Variants in GALNTL6 observed in about 807,000 individuals in gnomAD.
The protein encoded by GALNTL6 is polypeptide N-acetylgalactosaminyltransferase like 6.
GALNTL6 carries 46 observed loss-of-function variants against 73.7 expected under a neutral mutation model. The ratio of observed to expected loss-of-function variants is 0.62; its 90% CI spans 0.49 to 0.80. The LOEUF is 0.80. Ranked by LOEUF, GALNTL6 falls within the 30% of genes least tolerant of loss-of-function variation. The pLI is 0.00. For synonymous variants in GALNTL6, 259 were observed against 263.7 expected (o/e 0.98, Z 0.17); for missense variants, 604 against 755.0 (o/e 0.80, Z 2.34).
chr4:172,389,925 A>C (rs1164836920), intron 5 of GALNTL6, among the ~76,000 whole-genome samples: 1 of 152,120 alleles, frequency 6.6e-6, no homozygotes, highest in African/African-American at 2.4e-5. Context: ...TTTCTTTAAA[A>C]ATGATACCTT....
intron 7 of GALNTL6, among the ~76,000 whole-genome samples, chr4:172,852,099 A>T (rs112145341): frequency 1.3e-5 from 2 of 152,196 alleles, no homozygotes; most frequent in Non-Finnish European, 2.9e-5. Flanking sequence ...GGCATTGCCC[A>T]CTGGTTGGGG....
Position 172,334,219 on chromosome 4 carries a change from G to A in GALNTL6, c.387-14304G>A, listed in dbSNP as rs187039495. 7.9e-4 allele frequency among the ~76,000 whole-genome samples: 121 copies of A among 152,244 alleles called. 2 individuals are homozygous for A. In the South Asian group the frequency reaches 0.016, roughly 20 times the overall value. On this transcript the variant is annotated intron_variant, in intron 4 of 12. Transcript: ENST00000506823. ...AGCTTTGTTCTTTTTGCTTAGGACTGCTTTGGCTATTTGGGCTCTCTTTTG... is the reference window on the plus strand; with the variant it reads ...AGCTTTGTTCTTTTTGCTTAGGACTACTTTGGCTATTTGGGCTCTCTTTTG...
intron 2 of GALNTL6, among the ~76,000 whole-genome samples, chr4:172,131,006 A>T (rs1733474393): frequency 6.6e-6 from 1 of 152,062 alleles, no homozygotes. Context: ...TGCTTATTTT[A>T]TCTGGAGATC....
intron 2 of GALNTL6, among the ~76,000 whole-genome samples, chr4:172,128,028 T>C (rs560747241): frequency 6.1e-4 from 93 of 151,968 alleles, no homozygotes; most frequent in Middle Eastern, 3.4e-3. Flanking sequence ...TCGCTTGAAC[T>C]TGGGGGTGAA....
At chr4:172,923,588 G>T (rs1390448991) in intron 8 of GALNTL6, among the ~76,000 whole-genome samples, 43 of 152,166 alleles carry the variant, frequency 2.8e-4, no homozygotes, top group Admixed American at 2.8e-3. Flanking sequence ...AATGAGCAAT[G>T]CAGCCACTAG....
chr4:172,267,567 G>A (rs1035937283), intron 3 of GALNTL6, among the ~76,000 whole-genome samples: 1 of 152,016 alleles, frequency 6.6e-6, no homozygotes, highest in South Asian at 2.1e-4. Context: ...AGCACCAAGG[G>A]AGCTAGAATC....
chr4:171,906,997 AAAT>A (rs1262856383), intron 2 of GALNTL6, among the ~76,000 whole-genome samples: 1 of 152,142 alleles, frequency 6.6e-6, no homozygotes, highest in Non-Finnish European at 1.5e-5. Flanking sequence ...ACGTATTTCA[AAAT>A]AATAAGAGCT....
chr4:172,240,230 T>TTGTC (rs1737373830), intron 3 of GALNTL6, among the ~76,000 whole-genome samples: 1 of 151,792 alleles, frequency 6.6e-6, no homozygotes, highest in South Asian at 2.1e-4. Flanking sequence ...GTTTGTTTGT[T>TTGTC]TGTTTGTTTT....
At chr4:172,477,686 A>G (rs1455452537) in intron 5 of GALNTL6, among the ~76,000 whole-genome samples, 1 of 152,226 alleles carries the variant, frequency 6.6e-6, no homozygotes, top group Non-Finnish European at 1.5e-5. Flanking sequence ...TTTGTAATTC[A>G]TCTAATAACA....
intron 2 of GALNTL6, among the ~76,000 whole-genome samples, chr4:172,079,024 C>A (rs1731796036): frequency 6.6e-6 from 1 of 152,018 alleles, no homozygotes; most frequent in Admixed American, 6.6e-5. Flanking sequence ...TATGTTTATG[C>A]ACACATGTAT....
intron 10 of GALNTL6, among the ~76,000 whole-genome samples, chr4:172,991,662 C>T (rs1192907872): frequency 6.6e-6 from 1 of 152,148 alleles, no homozygotes; most frequent in Admixed American, 6.5e-5. Flanking sequence ...CCCACCTCAG[C>T]CTCCCAAAGT....
intron 2 of GALNTL6, among the ~76,000 whole-genome samples, chr4:171,872,506 A>G (rs1295265032): frequency 6.6e-6 from 1 of 152,238 alleles, no homozygotes; most frequent in Non-Finnish European, 1.5e-5. Context: ...CTAGGCTGCC[A>G]TAACAAAGTA....
rs553448181 is a variant in GALNTL6, at chr4:172,900,716, C to T, written c.1041+17809C>T. On this transcript the variant is annotated intron_variant, in intron 8 of 12. Transcript: ENST00000506823. ...TTCAAGGGATATTTTTTAGTTTTCACAGTTCAAGAGGTTTTTTTCTTAAAT... is the reference window on the plus strand; with the variant it reads ...TTCAAGGGATATTTTTTAGTTTTCATAGTTCAAGAGGTTTTTTTCTTAAAT... Among the ~76,000 whole-genome samples, 254 of 152,228 alleles carry T rather than the reference C, an allele frequency of 1.7e-3. 1 individual carries two copies. Among genetic ancestry groups the T allele is most frequent in the African/African-American group, 6.0e-3 (250 of 41,550 alleles).
chr4:172,432,181 T>C (rs367883576), intron 5 of GALNTL6, among the ~76,000 whole-genome samples: 1 of 152,048 alleles, frequency 6.6e-6, no homozygotes, highest in African/African-American at 2.4e-5. Context: ...AATCACACAG[T>C]GTTGAAGCTG....
At chr4:171,954,761 T>C (rs950190157) in intron 2 of GALNTL6, among the ~76,000 whole-genome samples, 20 of 152,214 alleles carry the variant, frequency 1.3e-4, no homozygotes, top group African/African-American at 4.6e-4. Context: ...TGAGAGGTGA[T>C]TAAATCATGG....
chr4:172,316,562 G>A (rs774811651), intron 4 of GALNTL6, among the ~76,000 whole-genome samples: 14 of 152,126 alleles, frequency 9.2e-5, no homozygotes, highest in Non-Finnish European at 1.6e-4. Flanking sequence ...AAGCCATGAA[G>A]CTAAAACTAT....
chr4:172,565,633 T>A (rs1048442642), intron 5 of GALNTL6, among the ~76,000 whole-genome samples: 1 of 152,206 alleles, frequency 6.6e-6, no homozygotes, highest in Non-Finnish European at 1.5e-5. Flanking sequence ...AGTTTAGAAG[T>A]GCTTCCTCTT....
intron 2 of GALNTL6, among the ~76,000 whole-genome samples, chr4:172,191,772 G>A (rs936108208): frequency 6.6e-6 from 1 of 152,016 alleles, no homozygotes; most frequent in Admixed American, 6.6e-5. Flanking sequence ...CAGAAATTAG[G>A]TTTTCCTAAT....
intron 2 of GALNTL6, among the ~76,000 whole-genome samples, chr4:171,994,836 G>A (rs1379857211): frequency 2.0e-5 from 3 of 151,976 alleles, no homozygotes; most frequent in Non-Finnish European, 4.4e-5. Flanking sequence ...AACTAGAATT[G>A]GAGAGAATTA....
Sources: gnomAD v4.1 joint callset for allele counts (sites outside exome capture counted in the v4.1 genomes callset) on GRCh38, gnomAD v4.1.1 for gene constraint, MANE v1.5 for transcripts, NCBI Gene and HGNC (gene_info 2026-07-23, HGNC 2026-07-21) for gene names.